The following PRSS58 variants were observed in gnomAD, a reference collection of about 807,000 sequenced individuals.
PRSS58 encodes the protein serine protease 58, also known as protease, serine 58.
Under a neutral mutation model 25.0 loss-of-function variants are expected in PRSS58, and 31 were observed. The observed-to-expected ratio is 1.24, with a 90% confidence interval of 0.93 to 1.67. The LOEUF (loss-of-function observed/expected upper bound fraction) is 1.67, where lower values mean the gene tolerates loss of function less well. PRSS58 is among the 40% of genes most tolerant of loss of function. The pLI, the probability that PRSS58 is intolerant of heterozygous loss-of-function variation, is 0.00. For missense variants in PRSS58, 324 were observed against 287.9 expected, an observed-to-expected ratio of 1.13 and a Z score of -0.91; for synonymous variants, 119 against 106.1, an observed-to-expected ratio of 1.12 and a Z score of -0.75.
At chr7:142,257,963 T>C (rs1307846821) in intron 1 of PRSS58, 28 bp downstream of exon 1, 8 of 476,328 alleles carry the variant, frequency 1.7e-5, no homozygotes, top group Non-Finnish European at 7.4e-6. Context: ...CTCAGAGTTC[T>C]GCCCTCTGTC....
At chr7:142,253,248 A>C (rs1168680589) in intron 4 of PRSS58, among the ~76,000 whole-genome samples, 1 of 152,236 alleles carries the variant, frequency 6.6e-6, no homozygotes, top group Non-Finnish European at 1.5e-5. Context: ...TGTAATTTTT[A>C]GAGTTTGAAT....
chr7:142,254,684 A>G (rs546583850), intron 4 of PRSS58, among the ~76,000 whole-genome samples: 1 of 152,288 alleles, frequency 6.6e-6, no homozygotes, highest in South Asian at 2.1e-4. Context: ...CAAAGCTTCA[A>G]GTTGCTTTAT....
Position 142,255,676 on chromosome 7 carries a change from G to T in PRSS58, c.41-3C>A. On this transcript the variant is annotated splice_polypyrimidine_tract_variant and splice_region_variant and intron_variant, in intron 2 of 5. Coordinates refer to ENST00000547058, the MANE Select transcript of PRSS58 (RefSeq NM_001001317.5). ...ATCTGGATTAAAGGCCAAAGCAACT[G>T]GAAAGAGAAGCATAGACAAGAAATT... is the stretch of plus-strand genomic sequence containing the variant. 6.3e-7 allele frequency: 1 copy of T among 1,598,780 alleles called. No individual in the cohort carries two copies. The highest frequency in any genetic ancestry group is 8.5e-7 in the Non-Finnish European group (1 of 1,171,914).
chr7:142,257,008 C>T (rs917651338), intron 2 of PRSS58, among the ~76,000 whole-genome samples: 2 of 152,080 alleles, frequency 1.3e-5, no homozygotes, highest in Admixed American at 6.6e-5. Flanking sequence ...TGTAGACCAT[C>T]GTAAGAACTC....
chr7:142,255,597 C>T lies in PRSS58; in HGVS notation c.117G>A (p.Leu39=). 6.2e-7 allele frequency: 1 copy of T among 1,614,010 alleles called. No individual in the cohort carries two copies. The change falls in exon 3 of 6, where the codon TTG becomes TTA. Residue 39 remains leucine (L), a synonymous_variant. Coordinates refer to ENST00000547058, the MANE Select transcript of PRSS58 (RefSeq NM_001001317.5). ...GGTGGATCAGGACTCCAGCGCAGGG[C>T]AAGTAGTCAGATTTCAAATAGACCA... is the stretch of plus-strand genomic sequence containing the variant. The part of the protein sequence containing the change: ...PYLVYLKSDY[L]PCAGVLIHPL...
chr7:142,255,915 C>G (rs141374110), intron 2 of PRSS58, among the ~76,000 whole-genome samples: 126 of 152,268 alleles, frequency 8.3e-4, no homozygotes, highest in Non-Finnish European at 1.4e-3. Context: ...ATTAAATGTT[C>G]AACTTTCTTA....
chr7:142,254,023 C>T (rs1798512545), intron 4 of PRSS58, among the ~76,000 whole-genome samples: 1 of 151,974 alleles, frequency 6.6e-6, no homozygotes, highest in South Asian at 2.1e-4. Flanking sequence ...GTACATCTGC[C>T]TGTTGGTTTC....
At chr7:142,257,351 T>C (rs111656974) in intron 2 of PRSS58, among the ~76,000 whole-genome samples, 151 of 152,300 alleles carry the variant, frequency 9.9e-4, no homozygotes, top group African/African-American at 3.5e-3. Flanking sequence ...ATCTGATTCT[T>C]CAATGTTCTG....
At position 142,252,536 on chromosome 7, in the gene PRSS58, G is replaced by T; in HGVS notation, c.512C>A (p.Thr171Asn). Residue 171 changes from threonine to asparagine, a missense_variant, in exon 5 of 6, where the codon ACC (threonine) becomes AAC (asparagine). Thr to Asn is a moderately conservative substitution (Grantham distance 65, BLOSUM62 0). Coordinates refer to ENST00000547058, the MANE Select transcript of PRSS58 (RefSeq NM_001001317.5). ...CAGCATATTTTCCGTGATGTTGTAGGTTTTATAGGCATCGCGACACTGAGG... is the reference window on the plus strand; with the variant it reads ...CAGCATATTTTCCGTGATGTTGTAGTTTTTATAGGCATCGCGACACTGAGG... Reference protein sequence around the residue: ...SKPQCRDAYKTYNITENMLCV... With the variant: ...SKPQCRDAYKNYNITENMLCV... 1.2e-6 allele frequency: 2 copies of T among 1,614,198 alleles called. No homozygotes were observed. Among genetic ancestry groups the T allele is most frequent in the Non-Finnish European group, 1.7e-6 (2 of 1,180,026 alleles).
At chr7:142,256,164 A>G (rs1798552473) in intron 2 of PRSS58, among the ~76,000 whole-genome samples, 1 of 152,270 alleles carries the variant, frequency 6.6e-6, no homozygotes, top group South Asian at 2.1e-4. Context: ...TACCAAATAT[A>G]CATTGAGCAC....
chr7:142,255,493 A>G lies in PRSS58; in HGVS notation c.179+42T>C, dbSNP rs200910632. ...GGGGTGAGAGTCTGTGCCCAACCTG[A>G]GAACCCAAAGAATGGAGTGCCTTTG... is the stretch of plus-strand genomic sequence containing the variant. On this transcript the variant is annotated intron_variant, in intron 3 of 5. Coordinates refer to ENST00000547058, the MANE Select transcript of PRSS58 (RefSeq NM_001001317.5). 4.7e-4 allele frequency: 760 copies of G among 1,613,528 alleles called. 1 individual carries two copies. The African/African-American group carries it at 9.3e-3, about 20-fold the overall frequency.
intron 3 of PRSS58, 93 bp from the exon 4 acceptor site, chr7:142,255,404 T>G: frequency 6.3e-7 from 1 of 1,576,350 alleles, no homozygotes; most frequent in African/African-American, 1.4e-5. Flanking sequence ...GACCTTTTTC[T>G]GTACCCTCGT....
At chr7:142,253,616 T>C (rs1054693841) in intron 4 of PRSS58, among the ~76,000 whole-genome samples, 3 of 145,782 alleles carry the variant, frequency 2.1e-5, no homozygotes, top group Non-Finnish European at 3.0e-5. Flanking sequence ...GAAGAGTATG[T>C]TTAATGTTTT....
intron 4 of PRSS58, among the ~76,000 whole-genome samples, chr7:142,252,981 G>T (rs1798494592): frequency 6.6e-6 from 1 of 152,212 alleles, no homozygotes; most frequent in African/African-American, 2.4e-5. Context: ...GAGGTCAGGA[G>T]TTCGAGACCA....
At chr7:142,253,328 A>T (rs1440703597) in intron 4 of PRSS58, among the ~76,000 whole-genome samples, 1 of 152,258 alleles carries the variant, frequency 6.6e-6, no homozygotes, top group Non-Finnish European at 1.5e-5. Context: ...TGCACAAAAA[A>T]GTCACTGAAA....
chr7:142,255,765 C>T, intron 2 of PRSS58, 92 bp from the exon 3 acceptor site: 1 of 1,156,352 alleles, frequency 8.6e-7, no homozygotes, highest in Non-Finnish European at 1.2e-6. Context: ...TCCAAGTTCC[C>T]CTATCCTTTT....
chr7:142,254,272 A>T (rs938841093), intron 4 of PRSS58, among the ~76,000 whole-genome samples: 1 of 152,230 alleles, frequency 6.6e-6, no homozygotes, highest in East Asian at 1.9e-4. Context: ...TAGCAACTAT[A>T]GACAGTTAAT....
At chr7:142,255,019 T>G in intron 4 of PRSS58, 36 bp downstream of exon 4, 1 of 1,607,496 alleles carries the variant, frequency 6.2e-7, no homozygotes, top group East Asian at 2.2e-5. Context: ...TAGAAGCATG[T>G]CTAATTCTGA....
At chr7:142,255,720 C>T in intron 2 of PRSS58, 47 bp from the exon 3 acceptor site, 2 of 1,536,488 alleles carry the variant, frequency 1.3e-6, no homozygotes, top group East Asian at 2.3e-5. Flanking sequence ...TCTCAGTCAT[C>T]ACCAGAAAAA....
Sources: gnomAD v4.1 joint callset for allele counts (sites outside exome capture counted in the v4.1 genomes callset) on GRCh38, gnomAD v4.1.1 for gene constraint, MANE v1.5 for transcripts, NCBI Gene and HGNC (gene_info 2026-07-23, HGNC 2026-07-21) for gene names.